EPC1: variants seen among roughly 807,000 people sequenced by gnomAD.
EPC1 encodes the protein enhancer of polycomb 1.
Under a neutral mutation model 98.4 loss-of-function variants are expected in EPC1, and 12 were observed. The observed-to-expected ratio is 0.12, with a 90% CI of 0.08 to 0.20. EPC1 has a LOEUF of 0.20. EPC1 is among the 10% of genes least tolerant of loss of function. The pLI, the probability that EPC1 is intolerant of heterozygous loss-of-function variation, is 1.00. For synonymous variants in EPC1, 357 were observed against 363.9 expected, an observed-to-expected ratio of 0.98 and a Z score of 0.21; for missense variants, 729 against 990.5, an observed-to-expected ratio of 0.74 and a Z score of 3.54.
chr10:32,270,877 C>CAGGGGTTTCTAT (rs1455580875), intron 13 of EPC1, among the ~76,000 whole-genome samples: 2 of 144,136 alleles, frequency 1.4e-5, no homozygotes, highest in Non-Finnish European at 3.0e-5. Context: ...AGTGATGGGG[C>CAGGGGTTTCTAT]AGGGGTTTCT....
intron 2 of EPC1, among the ~76,000 whole-genome samples, chr10:32,304,718 G>C (rs530834041): frequency 1.3e-5 from 2 of 152,112 alleles, no homozygotes; most frequent in South Asian, 4.2e-4. Flanking sequence ...ACAGGTGTTT[G>C]AGACCAGCCT....
exon 1 of EPC1, chr10:32,378,604 A>G: frequency 1.4e-6 from 1 of 694,454 alleles, no homozygotes; most frequent in South Asian, 2.3e-5. Flanking sequence ...ATCTTCCAAC[A>G]TCTTTAAAAT....
At chr10:32,271,943 T>C (rs1160286160) in intron 12 of EPC1, 26 bp from the exon 13 acceptor site, 1 of 1,604,774 alleles carries the variant, frequency 6.2e-7, no homozygotes, top group African/African-American at 1.3e-5. Flanking sequence ...AAGAAACATC[T>C]AAACAATGTA....
intron 2 of EPC1, among the ~76,000 whole-genome samples, chr10:32,300,191 C>T (rs561527268): frequency 2.0e-5 from 3 of 151,734 alleles, no homozygotes; most frequent in Non-Finnish European, 2.9e-5. Flanking sequence ...GGATTACAGG[C>T]ATGAGCCACC....
chr10:32,334,236 G>C (rs1837816722), intron 1 of EPC1, among the ~76,000 whole-genome samples: 1 of 152,162 alleles, frequency 6.6e-6, no homozygotes, highest in Non-Finnish European at 1.5e-5. Flanking sequence ...GTTTTATAGA[G>C]GTTACCTTAA....
chr10:32,298,764 A>T (rs1835320315), intron 2 of EPC1, among the ~76,000 whole-genome samples: 2 of 152,226 alleles, frequency 1.3e-5, no homozygotes, highest in South Asian at 4.1e-4. Context: ...GATCTTTCGT[A>T]CATAAAGTTC....
At position 32,293,030 on chromosome 10, in the gene EPC1, A is replaced by G. The variant is rs935158498; in HGVS notation, c.624T>C (p.Tyr208=). The change falls in exon 4 of 14, where the codon TAT becomes TAC. Residue 208 remains tyrosine (Y), a synonymous_variant. Transcript: ENST00000319778. ...TTTCAGTACGCCTTCTAAAAGCCAC[A>G]TAAGGATCATTTGTGCTGGAACCAT... The part of the protein sequence containing the change: ...KRDGSSTNDP[Y]VAFRRRTEKM... The G allele has an allele frequency of 3.1e-6, 5 of 1,610,168 alleles. No individual in the cohort carries two copies. The Admixed American group carries it at 5.0e-5, about 16-fold the overall frequency.
At chr10:32,345,454 G>T (rs748752065) in intron 1 of EPC1, 2 of 985,316 alleles carry the variant, frequency 2.0e-6, no homozygotes, top group Non-Finnish European at 2.4e-6. Flanking sequence ...AGTACCAAGA[G>T]AAGTATTACA....
At chr10:32,296,430 T>C (rs866200268) in intron 2 of EPC1, among the ~76,000 whole-genome samples, 1 of 152,156 alleles carries the variant, frequency 6.6e-6, no homozygotes, top group African/African-American at 2.4e-5. Flanking sequence ...CTGGTAGATA[T>C]TATATTATCA....
intron 6 of EPC1, among the ~76,000 whole-genome samples, chr10:32,287,901 T>C (rs575599506): frequency 2.0e-5 from 3 of 152,210 alleles, no homozygotes; most frequent in South Asian, 4.1e-4. Context: ...CAGGATAAAA[T>C]ATACAGGCAA....
chr10:32,306,857 A>AACACACACAC (rs3029539), intron 1 of EPC1, among the ~76,000 whole-genome samples: 1 of 149,644 alleles, frequency 6.7e-6, no homozygotes, highest in Non-Finnish European at 1.5e-5. Context: ...ATTAAATTCA[A>AACACACACAC]ACACACACAC....
chr10:32,309,825 A>C (rs535984030), intron 1 of EPC1, among the ~76,000 whole-genome samples: 1 of 150,752 alleles, frequency 6.6e-6, no homozygotes, highest in African/African-American at 2.4e-5. Context: ...AACCATAATA[A>C]AATTAATTCT....
chr10:32,288,602 C>G (rs1836824190), intron 6 of EPC1, among the ~76,000 whole-genome samples: 1 of 152,058 alleles, frequency 6.6e-6, no homozygotes, highest in Admixed American at 6.6e-5. Context: ...CTGCCTGCCT[C>G]TACCTCCCAA....
intron 1 of EPC1, among the ~76,000 whole-genome samples, chr10:32,334,579 A>G (rs1315587829): frequency 6.6e-6 from 1 of 152,228 alleles, no homozygotes; most frequent in Non-Finnish European, 1.5e-5. Context: ...CTGAACAAAA[A>G]AAGTACAACA....
chr10:32,279,097 TC>T (rs1429265564), intron 10 of EPC1, among the ~76,000 whole-genome samples: 1 of 152,126 alleles, frequency 6.6e-6, no homozygotes, highest in Non-Finnish European at 1.5e-5. Flanking sequence ...ACGCCTGTAA[TC>T]CCAGCGTTTT....
At chr10:32,270,792 A>C (rs958078612) in intron 13 of EPC1, among the ~76,000 whole-genome samples, 3 of 124,004 alleles carry the variant, frequency 2.4e-5, no homozygotes, top group African/African-American at 9.0e-5. Context: ...ACTGCACTCC[A>C]GCCTGGGCAA....
intron 2 of EPC1, among the ~76,000 whole-genome samples, chr10:32,299,823 CA>C (rs535060452): frequency 9.7e-4 from 147 of 152,270 alleles, no homozygotes; most frequent in African/African-American, 3.4e-3. Context: ...TAAAGCCATG[CA>C]AATCTCCTCA....
chr10:32,324,598 G>A (rs934189327), intron 1 of EPC1, among the ~76,000 whole-genome samples: 14 of 150,678 alleles, frequency 9.3e-5, no homozygotes, highest in Admixed American at 6.6e-5. Context: ...TAAATAAGTA[G>A]ATAAATTTTT....
chr10:32,274,813 T>C (rs890676659), intron 10 of EPC1, among the ~76,000 whole-genome samples: 1 of 152,204 alleles, frequency 6.6e-6, no homozygotes, highest in African/African-American at 2.4e-5. Flanking sequence ...AAATGTGTTA[T>C]ACCAAAACTT....
Sources: allele counts gnomAD v4.1 joint callset (sites outside exome capture counted in the v4.1 genomes callset), GRCh38; gene constraint gnomAD v4.1.1; transcripts MANE v1.5; gene names NCBI Gene and HGNC (gene_info 2026-07-23, HGNC 2026-07-21).